Variants in LRRC23 observed in about 807,000 individuals in gnomAD.
LRRC23 encodes the protein leucine rich repeat containing 23.
In LRRC23, 28 loss-of-function variants were observed where a neutral mutation model predicts 37.7. The ratio of observed to expected loss-of-function variants is 0.74; its 90% CI spans 0.55 to 1.02. The LOEUF is 1.02. LRRC23 is among the 50% of genes least tolerant of loss of function. LRRC23 has a pLI of 0.00. For synonymous variants in LRRC23, 161 were observed against 165.4 expected (o/e 0.97, Z 0.20); for missense variants, 377 against 413.2 (o/e 0.91, Z 0.76).
At chr12:6,909,765 C>A in intron 5 of LRRC23, 125 bp from the exon 6 acceptor site, 1 of 847,768 alleles carries the variant, frequency 1.2e-6, no homozygotes. Flanking sequence ...CTCACCCCCA[C>A]TCCTTTCTTC....
chr12:6,909,994 AG>A lies in LRRC23; in HGVS notation c.727del (p.Glu243LysfsTer2). On this transcript the variant is annotated frameshift_variant, in exon 6 of 8. Coordinates refer to ENST00000443597, the MANE Select transcript of LRRC23 (RefSeq NM_001135217.2). LOFTEE classifies it high-confidence loss of function. Reference protein sequence around the residue: ...QIDTLSGFSREMKSLQYLNLR... With the variant: ...QIDTLSGFSRXMKSLQYLNLR... ...TTGACACCCTGAGTGGCTTCTCCAG[AG>A]AAATGAAATCATTGCAGTACCTCAA... 6.2e-7 allele frequency: 1 copy of A among 1,613,650 alleles called. No homozygotes were observed. The highest frequency in any genetic ancestry group is 8.5e-7 in the Non-Finnish European group (1 of 1,179,876).
chr12:6,911,123 G>A (rs1290231050), intron 6 of LRRC23, among the ~76,000 whole-genome samples: 1 of 152,128 alleles, frequency 6.6e-6, no homozygotes, highest in South Asian at 2.1e-4. Flanking sequence ...AACACAAGAT[G>A]TGCTCAGATT....
chr12:6,913,277 TGG>T lies in LRRC23; in HGVS notation c.*24+255_*24+256del, dbSNP rs145787991. 4.6e-3 allele frequency: 1,886 copies of T among 408,682 alleles called. 9 individuals are homozygous for T. Among genetic ancestry groups the T allele is most frequent in the Non-Finnish European group, 6.9e-3 (1,574 of 226,550 alleles). The allele number at this position is 408,682 out of a possible 1,614,324, so 25.3% of individuals were successfully genotyped here. On this transcript the variant is annotated intron_variant, in intron 7 of 7. Coordinates refer to ENST00000443597, the MANE Select transcript of LRRC23 (RefSeq NM_001135217.2). ...TTGGGGTGGCAGGCAGAGGAGTTGG[TGG>T]GGGGTGGGGCAGCCATACCTGACAC...
In LRRC23 at chr12:6,913,894, A is replaced by T. The variant is rs1555141188; in HGVS notation, c.*28A>T. On this transcript the variant is annotated 3_prime_UTR_variant, in exon 8 of 8. Coordinates refer to ENST00000443597, the MANE Select transcript of LRRC23 (RefSeq NM_001135217.2). Reference sequence around the variant, plus strand: ...TACTTCTGTCTTCTACCTCCAGGAGATCAAAGACGCTGGCCTTCAGACCTG... The same window carrying T: ...TACTTCTGTCTTCTACCTCCAGGAGTTCAAAGACGCTGGCCTTCAGACCTG... 1 of 1,587,172 alleles carries T rather than the reference A, an allele frequency of 6.3e-7. No individual in the cohort carries two copies. Among genetic ancestry groups the T allele is most frequent in the Admixed American group, 1.8e-5 (1 of 55,210 alleles).
At chr12:6,908,313 C>T (rs1243792728) in intron 5 of LRRC23, among the ~76,000 whole-genome samples, 2 of 151,918 alleles carry the variant, frequency 1.3e-5, no homozygotes, top group Admixed American at 6.6e-5. Flanking sequence ...GAACCACAAT[C>T]AGGCCGGGCG....
Position 6,905,647 on chromosome 12 carries a change from A to T in LRRC23, c.14A>T (p.Asp5Val), listed in dbSNP as rs370302364. The T allele has an allele frequency of 3.1e-6, 5 of 1,613,830 alleles. No individual in the cohort carries two copies. In the Admixed American group the frequency reaches 6.7e-5, roughly 22 times the overall value. The change falls in exon 2 of 8, where the codon GAT (aspartate) becomes GTT (valine). Residue 5 changes from aspartate (D) to valine (V), a missense_variant. Asp to Val is a radical substitution (Grantham distance 152). Coordinates refer to ENST00000443597, the MANE Select transcript of LRRC23 (RefSeq NM_001135217.2). ...GAGGGAAGAAAGATGTCAGATGAAG[A>T]TGATCTAGAAGACTCTGAGCCAGAC... MSDE[D>V]DLEDSEPDQD...
At position 6,907,496 on chromosome 12, in the gene LRRC23, G is replaced by T. The variant is rs782156947; in HGVS notation, c.621+51G>T. On this transcript the variant is annotated intron_variant, in intron 5 of 7. Coordinates refer to ENST00000443597, the MANE Select transcript of LRRC23 (RefSeq NM_001135217.2). Reference sequence around the variant, plus strand: ...GCAGGGAAGAGGGCACTGTCCTGGGGGTCAGGATGCCTGCTTTCTAGTAGG... The same window carrying T: ...GCAGGGAAGAGGGCACTGTCCTGGGTGTCAGGATGCCTGCTTTCTAGTAGG... 5.0e-6 allele frequency: 8 copies of T among 1,594,550 alleles called. No homozygotes were observed. The South Asian group carries it at 8.8e-5, about 18-fold the overall frequency.
At chr12:6,911,463 C>CT (rs1945158430) in intron 6 of LRRC23, among the ~76,000 whole-genome samples, 1 of 152,068 alleles carries the variant, frequency 6.6e-6, no homozygotes, top group South Asian at 2.1e-4. Flanking sequence ...TGGACCCTTC[C>CT]TGAGTGGCTA....
chr12:6,909,608 G>T (rs1351655765), intron 5 of LRRC23, among the ~76,000 whole-genome samples: 3 of 145,314 alleles, frequency 2.1e-5, no homozygotes, highest in African/African-American at 7.7e-5. Context: ...GTGGTGGCCT[G>T]GGGGCTCCTG....
At chr12:6,907,511 T>A in intron 5 of LRRC23, 66 bp downstream of exon 5, 2 of 1,512,780 alleles carry the variant, frequency 1.3e-6, no homozygotes, top group Non-Finnish European at 1.8e-6. Context: ...GGATGCCTGC[T>A]TTCTAGTAGG....
Position 6,909,957 on chromosome 12 carries a change from G to C in LRRC23, c.689G>C (p.Arg230Pro). 1 of 1,613,760 alleles carries C rather than the reference G, an allele frequency of 6.2e-7. No individual in the cohort carries two copies. The highest frequency in any genetic ancestry group is 8.5e-7 in the Non-Finnish European group (1 of 1,179,906). ...AGCAATCTCACCACCTTGCATCTTC[G>C]AGACAACCAGATTGACACCCTGAGT... is the stretch of plus-strand genomic sequence containing the variant. The part of the protein sequence containing the change: ...DLSNLTTLHL[R>P]DNQIDTLSGF... The change falls in exon 6 of 8, where the codon CGA (arginine) becomes CCA (proline). Residue 230 changes from arginine to proline, a missense_variant. By Grantham distance (103) the Arg-to-Pro change is moderately radical. Around this residue, in one of 3 missense-constraint regions of LRRC23, gnomAD observed 266 missense variants for 285.6 expected, o/e 0.93. Transcript: ENST00000443597.
chr12:6,912,925 TC>T lies in LRRC23; in HGVS notation c.955del (p.Arg319AspfsTer4), dbSNP rs1945200821. On this transcript the variant is annotated frameshift_variant, in exon 7 of 8. Coordinates refer to ENST00000443597, the MANE Select transcript of LRRC23 (RefSeq NM_001135217.2). LOFTEE classifies it high-confidence loss of function. ...AGGAACGGGCTGAGGCTGATGTGAT[TC>T]GACAGAGGCTGAAGGAAGAAAAGGA... ...EEERAEADVI[R>X]QRLKEEKEQE... 6.2e-7 allele frequency: 1 copy of T among 1,613,900 alleles called. No homozygotes were observed. Among genetic ancestry groups the T allele is most frequent in the Admixed American group, 1.7e-5 (1 of 59,964 alleles).
chr12:6,913,223 T>C, intron 7 of LRRC23, 196 bp downstream of exon 7: 1 of 577,320 alleles, frequency 1.7e-6, no homozygotes, highest in Non-Finnish European at 3.0e-6. Context: ...GAGAAAGACT[T>C]AGGAGGCCAG....
At position 6,905,629 on chromosome 12, in the gene LRRC23, G is replaced by T; in HGVS notation, c.-5G>T. 1 of 1,613,702 alleles carries T rather than the reference G, an allele frequency of 6.2e-7. No homozygotes were observed. The highest frequency in any genetic ancestry group is 1.1e-5 in the South Asian group (1 of 91,028). ...TGACTCCAGAGCTTTCAGGAGGGAA[G>T]AAAGATGTCAGATGAAGATGATCTA... On this transcript the variant is annotated 5_prime_UTR_variant, in exon 2 of 8. Coordinates refer to ENST00000443597, the MANE Select transcript of LRRC23 (RefSeq NM_001135217.2).
At chr12:6,912,641 C>A in intron 6 of LRRC23, 89 bp from the exon 7 acceptor site, 4 of 1,184,942 alleles carry the variant, frequency 3.4e-6, no homozygotes, top group African/African-American at 1.5e-5. Context: ...GACACTGGAA[C>A]CCCGAGAGTC....
chr12:6,907,978 C>G (rs1364160038), intron 5 of LRRC23, among the ~76,000 whole-genome samples: 5 of 152,188 alleles, frequency 3.3e-5, no homozygotes, highest in African/African-American at 1.2e-4. Flanking sequence ...AAGTCCAAGC[C>G]TCCAGAACTT....
intron 3 of LRRC23, among the ~76,000 whole-genome samples, 175 bp from the exon 4 acceptor site, chr12:6,906,234 C>G (rs1944942484): frequency 6.6e-6 from 1 of 152,028 alleles, no homozygotes; most frequent in South Asian, 2.1e-4. Flanking sequence ...GTCTCTCTGC[C>G]CACTGTTAAG....
At chr12:6,913,555 GTTTTTTTTT>G (rs869177982) in intron 7 of LRRC23, among the ~76,000 whole-genome samples, 7 of 76,362 alleles carry the variant, frequency 9.2e-5, no homozygotes, top group Non-Finnish European at 1.5e-4. Flanking sequence ...ACCTCTGTTT[GTTTTTTTTT>G]TTTTTTTTTT....
rs1166274815 is a variant in LRRC23 at position 6,913,083 on chromosome 12, G to A, written c.*24+56G>A. ...GAGGCCAAGGGCTGGGCAGGTAGGG[G>A]AAGAGGCAAGAGGGGAAGCTGCTGC... is the stretch of plus-strand genomic sequence containing the variant. On this transcript the variant is annotated intron_variant, in intron 7 of 7. Coordinates refer to ENST00000443597, the MANE Select transcript of LRRC23 (RefSeq NM_001135217.2). 3 of 1,548,858 alleles carry A rather than the reference G, an allele frequency of 1.9e-6. No individual in the cohort carries two copies. The Admixed American group carries it at 5.3e-5, about 28-fold the overall frequency.
Sources: gnomAD v4.1 joint callset for allele counts (sites outside exome capture counted in the v4.1 genomes callset) on GRCh38, gnomAD v4.1.1 for gene constraint, gnomAD v4.1.1 regional missense constraint, MANE v1.5 for transcripts, NCBI Gene and HGNC (gene_info 2026-07-23, HGNC 2026-07-21) for gene names.